Variants in DYNLT2B observed in about 807,000 individuals in gnomAD.
DYNLT2B encodes dynein light chain Tctex-type 2B.
A neutral mutation model predicts 19.5 loss-of-function variants in DYNLT2B; 14 were observed. The ratio of observed to expected loss-of-function variants is 0.72; its 90% CI spans 0.47 to 1.12. DYNLT2B has a LOEUF of 1.12. Among genes scored for constraint, DYNLT2B ranks in the 50% most tolerant of loss-of-function variants. The pLI is 0.00. For synonymous variants in DYNLT2B, 70 were observed against 59.7 expected (o/e 1.17, Z -0.79); for missense variants, 133 against 174.7 (o/e 0.76, Z 1.35).
At chr3:196,317,169 G>GTGTGTGTGTGT (rs1726862030) in intron 1 of DYNLT2B, among the ~76,000 whole-genome samples, 1 of 120,294 alleles carries the variant, frequency 8.3e-6, no homozygotes, top group Admixed American at 8.8e-5. Flanking sequence ...GTGTGTGTGT[G>GTGTGTGTGTGT]TGTGTGTGTG....
At chr3:196,310,392 G>T (rs916580378) in intron 2 of DYNLT2B, among the ~76,000 whole-genome samples, 6 of 151,548 alleles carry the variant, frequency 4.0e-5, no homozygotes, top group African/African-American at 1.5e-4. Flanking sequence ...GATTACAGGC[G>T]TGAGCCACCG....
chr3:196,297,581 T>C (rs1285623063), intron 3 of DYNLT2B, among the ~76,000 whole-genome samples: 1 of 152,166 alleles, frequency 6.6e-6, no homozygotes, highest in Non-Finnish European at 1.5e-5. Context: ...ATGTTTTACA[T>C]TTCTATTAAA....
chr3:196,315,351 C>T (rs1282096116), intron 2 of DYNLT2B: 1 of 347,978 alleles, frequency 2.9e-6, no homozygotes, highest in Non-Finnish European at 5.5e-6. Flanking sequence ...CAACCTCCAC[C>T]TCCTGGGTTC....
intron 2 of DYNLT2B, among the ~76,000 whole-genome samples, chr3:196,314,059 T>A (rs531640334): frequency 1.3e-5 from 2 of 151,846 alleles, no homozygotes; most frequent in Non-Finnish European, 2.9e-5. Context: ...GATCATGCCA[T>A]TGGACTCCAG....
intron 2 of DYNLT2B, among the ~76,000 whole-genome samples, chr3:196,312,068 C>T (rs1726657669): frequency 6.6e-6 from 1 of 152,126 alleles, no homozygotes; most frequent in African/African-American, 2.4e-5. Flanking sequence ...TTAGTAGAGA[C>T]AGGGTTTCTC....
At chr3:196,307,118 T>A in intron 2 of DYNLT2B, 106 bp from the exon 3 acceptor site, 1 of 916,972 alleles carries the variant, frequency 1.1e-6, no homozygotes. Flanking sequence ...CACAAGTACT[T>A]AATGAATATG....
rs1726935088 is a variant in DYNLT2B at position 196,318,044 on chromosome 3, G to A, written c.109C>T (p.Gln37Ter). 2 of 1,529,038 alleles carry A rather than the reference G, an allele frequency of 1.3e-6. No homozygotes were observed. The highest frequency in any genetic ancestry group is 2.7e-5 in the East Asian group (1 of 36,884). The allele number at this position is 1,529,038 out of a possible 1,614,324, so 94.7% of individuals were successfully genotyped here. A position where few individuals can be genotyped will look rare whatever the true frequency, so the allele number is the denominator to read the frequency against. The change falls in exon 1 of 5, where the codon CAG becomes TAG. Residue 37 changes from glutamine to a stop codon, truncating the protein, a stop_gained. Coordinates refer to ENST00000325318, the MANE Select transcript of DYNLT2B (RefSeq NM_152773.5). LOFTEE classifies it high-confidence loss of function. ...NTYILRPVFQ[Q>*]RFRPSVVKDC... is the part of the protein sequence containing the mutation. The stretch of plus-strand genomic sequence containing the variant: ...CACAGCCCGTCCTCTACCCGCCTCT[G>A]CTGGAAAACAGGCCGCAGAATATAG...
At chr3:196,317,969 G>A (rs1038264502) in intron 1 of DYNLT2B, 71 bp downstream of exon 1, 9 of 943,720 alleles carry the variant, frequency 9.5e-6, no homozygotes, top group Admixed American at 7.5e-5. Context: ...CGTGGCCCAG[G>A]TCCCAGGCGA....
chr3:196,305,095 G>A (rs577519411), intron 3 of DYNLT2B, among the ~76,000 whole-genome samples: 1 of 152,166 alleles, frequency 6.6e-6, no homozygotes, highest in South Asian at 2.1e-4. Flanking sequence ...TGTTGCCCAG[G>A]CTGGTCTGGA....
At chr3:196,315,557 G>A (rs1726763867) in intron 2 of DYNLT2B, among the ~76,000 whole-genome samples, 2 of 149,372 alleles carry the variant, frequency 1.3e-5, no homozygotes, top group African/African-American at 2.4e-5. Flanking sequence ...CACTGCGCCC[G>A]GCCTTTATTT....
At chr3:196,310,052 A>G (rs1314366335) in intron 2 of DYNLT2B, among the ~76,000 whole-genome samples, 2 of 152,098 alleles carry the variant, frequency 1.3e-5, no homozygotes, top group African/African-American at 4.8e-5. Flanking sequence ...TACTAGAACA[A>G]TGTAAGCTTA....
chr3:196,305,791 A>G (rs1468177875), intron 3 of DYNLT2B: 1 of 153,634 alleles, frequency 6.5e-6, no homozygotes, highest in Non-Finnish European at 1.5e-5. Context: ...AGGAAGCAAG[A>G]CTGTCATAAA....
At chr3:196,310,656 G>C (rs543333295) in intron 2 of DYNLT2B, among the ~76,000 whole-genome samples, 29 of 151,482 alleles carry the variant, frequency 1.9e-4, no homozygotes, top group Non-Finnish European at 3.4e-4. Context: ...TGGAACTCCT[G>C]ACCTCAAGTG....
At chr3:196,303,388 C>T (rs1577389360) in intron 3 of DYNLT2B, among the ~76,000 whole-genome samples, 3 of 152,226 alleles carry the variant, frequency 2.0e-5, no homozygotes, top group Middle Eastern at 6.8e-3. Flanking sequence ...GTCTAGGCAG[C>T]GGGCAAGTGA....
At chr3:196,310,197 A>G (rs1422883369) in intron 2 of DYNLT2B, among the ~76,000 whole-genome samples, 4 of 150,238 alleles carry the variant, frequency 2.7e-5, no homozygotes, top group African/African-American at 9.8e-5. Context: ...CACCTCCCAG[A>G]TTCAAGCAAT....
At chr3:196,306,258 A>T in intron 3 of DYNLT2B, among the ~76,000 whole-genome samples, 1 of 150,574 alleles carries the variant, frequency 6.6e-6, no homozygotes, top group East Asian at 2.0e-4. Context: ...AAAAAAAAAA[A>T]AAAAAAAGAA....
chr3:196,318,213 C>A lies in DYNLT2B; in HGVS notation c.-61G>T, dbSNP rs1447991897. The A allele has an allele frequency of 8.9e-6, 9 of 1,016,684 alleles. No homozygotes were observed. Among genetic ancestry groups the A allele is most frequent in the Non-Finnish European group, 1.1e-5 (8 of 735,044 alleles). The allele number at this position is 1,016,684 out of a possible 1,614,324, so 63.0% of individuals were successfully genotyped here. A position where few individuals can be genotyped will look rare whatever the true frequency, so the allele number is the denominator to read the frequency against. On this transcript the variant is annotated 5_prime_UTR_variant, in exon 1 of 5. Transcript: ENST00000325318. ...AAGGCCTAGCGGGTTGCGGTCGCGGCCGGCAGCAGGGAAAGCGTCTCCAGG... is the reference window on the plus strand; with the variant it reads ...AAGGCCTAGCGGGTTGCGGTCGCGGACGGCAGCAGGGAAAGCGTCTCCAGG...
chr3:196,300,671 G>A (rs1726329981), intron 3 of DYNLT2B, among the ~76,000 whole-genome samples: 1 of 148,344 alleles, frequency 6.7e-6, no homozygotes, highest in Non-Finnish European at 1.5e-5. Flanking sequence ...TGAGGTTGTG[G>A]TGAGCCAAGA....
intron 4 of DYNLT2B, among the ~76,000 whole-genome samples, chr3:196,294,077 C>T (rs535537657): frequency 2.8e-4 from 43 of 152,072 alleles, no homozygotes; most frequent in African/African-American, 8.2e-4. Flanking sequence ...TGGGGCTGGG[C>T]GCAGTGGCTC....
Sources: allele counts gnomAD v4.1 joint callset (sites outside exome capture counted in the v4.1 genomes callset), GRCh38; gene constraint gnomAD v4.1.1; transcripts MANE v1.5; gene names NCBI Gene and HGNC (gene_info 2026-07-23, HGNC 2026-07-21).